The following ROBO1 variants were observed in gnomAD, a reference collection of about 807,000 sequenced individuals.
The protein encoded by ROBO1 is roundabout homolog 1.
In ROBO1, 149 loss-of-function variants were observed where a neutral mutation model predicts 195.9. The ratio of observed to expected loss-of-function variants is 0.76; its 90% confidence interval spans 0.67 to 0.87. The LOEUF is 0.87. Ranked by LOEUF, ROBO1 falls within the 40% of genes least tolerant of loss-of-function variation. The pLI, the probability that ROBO1 is intolerant of heterozygous loss-of-function variation, is 0.00. For synonymous variants in ROBO1, 816 were observed against 733.2 expected, an observed-to-expected ratio of 1.11 and a Z score of -1.82; for missense variants, 1,933 against 2,068.3, an observed-to-expected ratio of 0.93 and a Z score of 1.27.
At chr3:78,765,230 G>T (rs547390482) in intron 4 of ROBO1, among the ~76,000 whole-genome samples, 31 of 152,066 alleles carry the variant, frequency 2.0e-4, no homozygotes, top group South Asian at 4.1e-4. Flanking sequence ...GGGAAGGCAG[G>T]TGACTCTTTT....
chr3:79,274,973 G>C (rs575649565), intron 2 of ROBO1, among the ~76,000 whole-genome samples: 14 of 152,066 alleles, frequency 9.2e-5, no homozygotes, highest in African/African-American at 3.4e-4. Flanking sequence ...AACAAGTACT[G>C]AGATTGAAGC....
At chr3:79,375,815 C>T (rs1159330830) in intron 2 of ROBO1, among the ~76,000 whole-genome samples, 1 of 152,202 alleles carries the variant, frequency 6.6e-6, no homozygotes, top group African/African-American at 2.4e-5. Flanking sequence ...ATACACGCTA[C>T]CAGAAAATGA....
At chr3:79,137,233 G>C (rs1243980673) in intron 2 of ROBO1, among the ~76,000 whole-genome samples, 1 of 151,964 alleles carries the variant, frequency 6.6e-6, no homozygotes, top group African/African-American at 2.4e-5. Flanking sequence ...GTGACTGGAT[G>C]GTTCTTTCAA....
intron 1 of ROBO1, among the ~76,000 whole-genome samples, chr3:79,721,811 G>A (rs1702714895): frequency 6.6e-6 from 1 of 152,142 alleles, no homozygotes; most frequent in Non-Finnish European, 1.5e-5. Context: ...TATTTTCCAT[G>A]TATATCCAAA....
intron 2 of ROBO1, among the ~76,000 whole-genome samples, chr3:79,164,825 C>T (rs2081034098): frequency 6.6e-6 from 1 of 152,164 alleles, no homozygotes; most frequent in South Asian, 2.1e-4. Flanking sequence ...GTTTATCAAA[C>T]ACACTACAAG....
chr3:79,415,632 T>G (rs762106956), intron 2 of ROBO1, among the ~76,000 whole-genome samples: 13 of 152,132 alleles, frequency 8.5e-5, no homozygotes, highest in Non-Finnish European at 1.6e-4. Flanking sequence ...CTTCATTCTG[T>G]GGTTTTAAGA....
intron 3 of ROBO1, among the ~76,000 whole-genome samples, chr3:78,997,236 TG>T (rs1325648471): frequency 6.6e-6 from 1 of 152,162 alleles, no homozygotes; most frequent in African/African-American, 2.4e-5. Flanking sequence ...TTTTGGTTTT[TG>T]GGGGGTGTGG....
chr3:78,698,419 C>T (rs114202730), intron 8 of ROBO1, among the ~76,000 whole-genome samples: 4,411 of 152,104 alleles, frequency 0.029, 89 homozygotes, highest in Non-Finnish European at 0.045. Flanking sequence ...ACTTTTAAGA[C>T]ATAACAATAA....
At chr3:78,773,104 T>C (rs759914623) in intron 4 of ROBO1, among the ~76,000 whole-genome samples, 14 of 152,114 alleles carry the variant, frequency 9.2e-5, no homozygotes, top group Middle Eastern at 3.2e-3. Context: ...AAAATTATTA[T>C]TGTATGCTGT....
chr3:79,174,600 T>G (rs1170941661), intron 2 of ROBO1, among the ~76,000 whole-genome samples: 1 of 151,950 alleles, frequency 6.6e-6, no homozygotes, highest in East Asian at 1.9e-4. Flanking sequence ...TATAGACAAA[T>G]AGGAACACGT....
chr3:78,939,567 G>A (rs561986681), intron 3 of ROBO1, among the ~76,000 whole-genome samples: 12 of 150,608 alleles, frequency 8.0e-5, no homozygotes, highest in Admixed American at 6.6e-4. Context: ...GCAGTGAGCC[G>A]AGATCGCGCC....
chr3:79,542,027 C>T (rs1384917294), intron 2 of ROBO1, among the ~76,000 whole-genome samples: 2 of 151,846 alleles, frequency 1.3e-5, no homozygotes, highest in East Asian at 3.9e-4. Context: ...TTACTAGGGA[C>T]ATTAATCAAC....
chr3:79,174,347 G>A (rs78127572), intron 2 of ROBO1, among the ~76,000 whole-genome samples: 1 of 151,736 alleles, frequency 6.6e-6, no homozygotes, highest in African/African-American at 2.4e-5. Context: ...GCAAAGGTCC[G>A]CAGCTTTACT....
At chr3:78,974,118 T>C (rs919916222) in intron 3 of ROBO1, among the ~76,000 whole-genome samples, 2 of 152,174 alleles carry the variant, frequency 1.3e-5, no homozygotes, top group Non-Finnish European at 2.9e-5. Context: ...AACCAACTTA[T>C]ACCTAAATTA....
At chr3:79,661,818 TA>T (rs1334743208) in intron 1 of ROBO1, among the ~76,000 whole-genome samples, 1 of 152,090 alleles carries the variant, frequency 6.6e-6, no homozygotes, top group Non-Finnish European at 1.5e-5. Context: ...GAAAATAACT[TA>T]GATGCTGTCA....
intron 3 of ROBO1, among the ~76,000 whole-genome samples, chr3:79,092,640 T>A (rs981053472): frequency 1.3e-5 from 2 of 152,176 alleles, no homozygotes; most frequent in African/African-American, 4.8e-5. Context: ...CCTTTCGTTA[T>A]AATAACGGTA....
chr3:79,599,520 A>C (rs1944277163), intron 1 of ROBO1, among the ~76,000 whole-genome samples: 1 of 152,048 alleles, frequency 6.6e-6, no homozygotes, highest in South Asian at 2.1e-4. Context: ...TCCACAGGGC[A>C]TGATGAAGAT....
At chr3:78,660,995 C>G (rs78510504) in intron 16 of ROBO1, 35 bp downstream of exon 16, 814 of 1,375,346 alleles carry the variant, frequency 5.9e-4, no homozygotes, top group Admixed American at 1.3e-3. Context: ...AAATATACTG[C>G]AATGCATGGA....
chr3:79,391,255 T>G (rs140303105), intron 2 of ROBO1, among the ~76,000 whole-genome samples: 1 of 151,904 alleles, frequency 6.6e-6, no homozygotes, highest in Non-Finnish European at 1.5e-5. Flanking sequence ...ATCATACCAC[T>G]ACACTCCAGT....
Sources: allele counts gnomAD v4.1 joint callset (sites outside exome capture counted in the v4.1 genomes callset), GRCh38; gene constraint gnomAD v4.1.1; transcripts MANE v1.5; gene names NCBI Gene and HGNC (gene_info 2026-07-23, HGNC 2026-07-21).